The following MMD2 variants were observed in gnomAD, a reference collection of about 807,000 sequenced individuals.
MMD2 encodes monocyte to macrophage differentiation associated 2.
MMD2 carries 30 observed loss-of-function variants against 33.5 expected under a neutral mutation model. The ratio of observed to expected loss-of-function variants is 0.90; its 90% CI spans 0.67 to 1.22. The LOEUF is 1.22. Ranked by LOEUF, MMD2 falls within the 50% of genes most tolerant of loss-of-function variation. MMD2 has a pLI of 0.00. For synonymous variants in MMD2, 129 were observed against 123.0 expected (o/e 1.05, Z -0.32); for missense variants, 364 against 325.4 (o/e 1.12, Z -0.91).
intron 2 of MMD2, among the ~76,000 whole-genome samples, chr7:4,925,134 T>A (rs1785389333): frequency 6.6e-6 from 1 of 152,122 alleles, no homozygotes; most frequent in Non-Finnish European, 1.5e-5. Context: ...TTTCACCATG[T>A]TGGCCAGGCT....
chr7:4,942,441 T>C lies in MMD2; in HGVS notation c.47+16530A>G, dbSNP rs552084461. 4.8e-4 allele frequency among the ~76,000 whole-genome samples: 73 copies of C among 151,466 alleles called. 2 individuals are homozygous for C. In the South Asian group the frequency reaches 0.014, roughly 29 times the overall value. On this transcript the variant is annotated intron_variant, in intron 1 of 6. Transcript: ENST00000401401. ...TTTTTTTTTTAATTAAAAAATTTTT[T>C]TAATTAATTAGAAATGGAGCCTCAC...
intron 1 of MMD2, among the ~76,000 whole-genome samples, chr7:4,933,864 C>A (rs1785662042): frequency 6.6e-6 from 1 of 151,624 alleles, no homozygotes; most frequent in African/African-American, 2.4e-5. Flanking sequence ...AACTCCTGGA[C>A]TCAAGTGATC....
chr7:4,914,373 CT>C (rs2115094581), intron 4 of MMD2, among the ~76,000 whole-genome samples: 1 of 152,306 alleles, frequency 6.6e-6, no homozygotes, highest in East Asian at 1.9e-4. Context: ...AAATAATTTA[CT>C]TTTTCAGTCT....
At chr7:4,895,923 G>A in the MMD2 span, among the ~76,000 whole-genome samples, 3 of 152,044 alleles carry the variant, frequency 2.0e-5, no homozygotes, top group East Asian at 1.9e-4. Context: ...CCTGTTTAGC[G>A]TGCCCTGCTC....
At chr7:4,899,719 G>T in the MMD2 span, among the ~76,000 whole-genome samples, 3 of 151,988 alleles carry the variant, frequency 2.0e-5, no homozygotes, top group South Asian at 2.1e-4. Flanking sequence ...TCTTAGTATG[G>T]GTCTTCAACA....
intron 1 of MMD2, among the ~76,000 whole-genome samples, chr7:4,939,742 CTTTTT>C (rs71032999): frequency 2.2e-4 from 31 of 141,888 alleles, no homozygotes; most frequent in Middle Eastern, 3.6e-3. Context: ...TTCTTTCTTT[CTTTTT>C]TTTTTTTTTT....
At chr7:4,953,448 T>C (rs1786303295) in intron 1 of MMD2, among the ~76,000 whole-genome samples, 2 of 145,496 alleles carry the variant, frequency 1.4e-5, no homozygotes, top group Non-Finnish European at 1.5e-5. Flanking sequence ...TCAGCCTGAG[T>C]GGTTTCATTT....
At chr7:4,937,015 C>T (rs1180012362) in intron 1 of MMD2, among the ~76,000 whole-genome samples, 1 of 151,330 alleles carries the variant, frequency 6.6e-6, no homozygotes, top group Non-Finnish European at 1.5e-5. Context: ...GAATTACAGG[C>T]GTGAGCCACC....
intron 1 of MMD2, among the ~76,000 whole-genome samples, chr7:4,958,560 C>T (rs1257081898): frequency 3.3e-5 from 5 of 152,124 alleles, no homozygotes; most frequent in Admixed American, 6.5e-5. Context: ...CGCCTTTTAC[C>T]ATGAACAAGA....
At position 4,940,199 on chromosome 7, in the gene MMD2, A is replaced by G. The variant is rs1785868117; in HGVS notation, c.48-14667T>C. 6.6e-6 allele frequency among the ~76,000 whole-genome samples: 1 copy of G among 152,136 alleles called. No individual in the cohort carries two copies. The highest frequency in any genetic ancestry group is 2.4e-5 in the African/African-American group (1 of 41,450). On this transcript the variant is annotated intron_variant, in intron 1 of 6. Transcript: ENST00000401401. This position sits in a 1 kb window ranked among gnomAD's most constrained non-coding sequence, Gnocchi z 5.0. ...ATGTTGAGCATCCTGACCTGGGTGC[A>G]GGGTCCGGCACACCCCAGCTCCCCC...
intron 1 of MMD2, among the ~76,000 whole-genome samples, chr7:4,935,709 G>T (rs924275063): frequency 1.4e-4 from 21 of 147,008 alleles, no homozygotes; most frequent in African/African-American, 4.2e-4. Context: ...CAAAAAAATT[G>T]TATACGTTGA....
intron 3 of MMD2, among the ~76,000 whole-genome samples, chr7:4,917,342 C>G (rs9639871): frequency 2.0e-5 from 3 of 151,874 alleles, no homozygotes; most frequent in Non-Finnish European, 2.9e-5. Context: ...ATACCCAGCA[C>G]AGTACATAGT....
Position 4,936,202 on chromosome 7 carries a change from G to GA in MMD2, c.48-10671dup, listed in dbSNP as rs1235476308. On this transcript the variant is annotated intron_variant, in intron 1 of 6. Coordinates refer to ENST00000401401, the MANE Select transcript of MMD2 (RefSeq NM_198403.4). ...CTCTGTCTCAAAAAAAAAAAAAAAGGAAAAAAAAATGTAAAGTGTAACCAC... is the reference window on the plus strand; with the variant it reads ...CTCTGTCTCAAAAAAAAAAAAAAAGGAAAAAAAAAATGTAAAGTGTAACCAC... 1.5e-3 allele frequency among the ~76,000 whole-genome samples: 210 copies of GA among 142,102 alleles called. 1 individual carries two copies. Among genetic ancestry groups the GA allele is most frequent in the African/African-American group, 4.5e-3 (174 of 38,614 alleles). 93.2% of individuals were successfully genotyped at this position (142,102 alleles called of 152,430 possible). A position where few individuals can be genotyped will look rare whatever the true frequency, so the allele number is the denominator to read the frequency against.
chr7:4,933,758 A>G (rs539802421), intron 1 of MMD2, among the ~76,000 whole-genome samples: 2 of 151,732 alleles, frequency 1.3e-5, no homozygotes, highest in Non-Finnish European at 1.5e-5. Flanking sequence ...TCAGCCTCCC[A>G]AGTAGCTGAG....
At chr7:4,903,552 C>A (rs141148153), downstream of MMD2, among the ~76,000 whole-genome samples, 2 of 152,174 alleles carry the variant, frequency 1.3e-5, no homozygotes, top group Non-Finnish European at 2.9e-5. Flanking sequence ...CTTCCCTGGC[C>A]GGGAGGCTGT....
At position 4,915,996 on chromosome 7, in the gene MMD2, G is replaced by A. The variant is rs193275285; in HGVS notation, c.365+9C>T. 5.1e-4 allele frequency: 823 copies of A among 1,612,830 alleles called. 2 individuals carry two copies. In the African/African-American group the frequency reaches 6.5e-3, roughly 13 times the overall value. On this transcript the variant is annotated intron_variant, in intron 4 of 6. Transcript: ENST00000401401. ...CCAAGGGTTTGCTGGGCGGCGGGAC[G>A]GTACTCACCAGGGTGCGTAGGAAGC...
chr7:4,928,865 T>A (rs909749747), intron 1 of MMD2, among the ~76,000 whole-genome samples: 11 of 151,898 alleles, frequency 7.2e-5, no homozygotes, highest in African/African-American at 2.7e-4. Flanking sequence ...GTGTGCTGGA[T>A]CCATGCTAAG....
intron 1 of MMD2, among the ~76,000 whole-genome samples, chr7:4,928,112 C>T (rs1785481299): frequency 6.6e-6 from 1 of 152,214 alleles, no homozygotes; most frequent in Non-Finnish European, 1.5e-5. Flanking sequence ...GGCTCGGAAT[C>T]AGCTCACCTG....
At chr7:4,939,366 C>G (rs966593090) in intron 1 of MMD2, among the ~76,000 whole-genome samples, 1 of 151,882 alleles carries the variant, frequency 6.6e-6, no homozygotes, top group Non-Finnish European at 1.5e-5. Context: ...TAGCAAGACC[C>G]TTTCTCTACA....
Sources: allele counts gnomAD v4.1 joint callset (sites outside exome capture counted in the v4.1 genomes callset), GRCh38; gene constraint gnomAD v4.1.1; non-coding constraint Gnocchi (gnomAD v3.1); transcripts MANE v1.5; gene names NCBI Gene and HGNC (gene_info 2026-07-23, HGNC 2026-07-21).